RFPL4B: variants seen among roughly 807,000 people sequenced by gnomAD.
RFPL4B encodes the protein ret finger protein-like 4B.
For missense variants in RFPL4B, 314 were observed against 327.7 expected (o/e 0.96, Z 0.32); for synonymous variants, 118 against 126.3 (o/e 0.93, Z 0.44).
Position 112,350,197 on chromosome 6 carries a change from C to T in RFPL4B, c.489C>T (p.Cys163=). The T allele has an allele frequency of 6.2e-7, 1 of 1,614,184 alleles. No homozygotes were observed. Among genetic ancestry groups the T allele is most frequent in the Non-Finnish European group, 8.5e-7 (1 of 1,180,042 alleles). The change falls in exon 3 of 3, where the codon TGC becomes TGT. Residue 163 remains cysteine, a synonymous_variant. Transcript: ENST00000441065. The part of the protein sequence containing the change: ...GEVKSWSLGV[C]KEPADRKSND... ...TGAAGTCATGGTCCCTGGGCGTCTG[C>T]AAGGAGCCGGCTGACAGAAAGAGCA...
chr6:112,347,598 C>T (rs1163001059), intron 1 of RFPL4B, among the ~76,000 whole-genome samples, 191 bp downstream of exon 1: 4 of 152,260 alleles, frequency 2.6e-5, no homozygotes, highest in African/African-American at 9.6e-5. Flanking sequence ...CCTCAGGTCA[C>T]TCTTTGCATG....
At chr6:112,348,184 T>G (rs1416421792) in intron 1 of RFPL4B, among the ~76,000 whole-genome samples, 2 of 152,220 alleles carry the variant, frequency 1.3e-5, no homozygotes, top group African/African-American at 4.8e-5. Flanking sequence ...TTAGATACAT[T>G]CCAAGGTGGG....
intron 1 of RFPL4B, among the ~76,000 whole-genome samples, chr6:112,348,651 G>A (rs1286396419): frequency 6.6e-6 from 1 of 152,164 alleles, no homozygotes; most frequent in Non-Finnish European, 1.5e-5. Context: ...GGCTCTTATT[G>A]GAGAACAGTC....
At position 112,349,766 on chromosome 6, in the gene RFPL4B, T is replaced by C; in HGVS notation, c.58T>C (p.Cys20Arg). The change falls in exon 3 of 3, where the codon TGT becomes CGT. Residue 20 changes from cysteine (C) to arginine (R), a missense_variant. Cys to Arg is a radical substitution (Grantham distance 180, BLOSUM62 -3). Transcript: ENST00000441065. ...TCCAGTTTGCCTGGATTTTTTCTCC[T>C]GTTCCATTTCTCTCTCTTGTACACA... ...SCPVCLDFFSCSISLSCTHVF... is the reference protein window; with the variant it reads ...SCPVCLDFFSRSISLSCTHVF... 1 of 1,614,176 alleles carries C rather than the reference T, an allele frequency of 6.2e-7. No homozygotes were observed. The highest frequency in any genetic ancestry group is 2.2e-5 in the East Asian group (1 of 44,880).
In RFPL4B at chr6:112,350,057, G is replaced by T. The variant is rs372679687; in HGVS notation, c.349G>T (p.Ala117Ser). ...TGTCTTCTCCAATGATCTAAGAAGCGCTCAGTGTAAGAAGATCCACCACGA... is the reference window on the plus strand; with the variant it reads ...TGTCTTCTCCAATGATCTAAGAAGCTCTCAGTGTAAGAAGATCCACCACGA... ...LLVFSNDLRS[A>S]QCKKIHHDLT... Residue 117 changes from alanine to serine, a missense_variant, in exon 3 of 3, where the codon GCT (alanine) becomes TCT (serine). Coordinates refer to ENST00000441065, the MANE Select transcript of RFPL4B (RefSeq NM_001013734.3). 2 of 1,614,176 alleles carry T rather than the reference G, an allele frequency of 1.2e-6. No homozygotes were observed. Among genetic ancestry groups the T allele is most frequent in the South Asian group, 1.1e-5 (1 of 91,086 alleles).
intron 1 of RFPL4B, 40 bp downstream of exon 1, chr6:112,347,447 A>T (rs6930560): frequency 0.19 from 29,610 of 152,186 alleles, 3,107 homozygotes; most frequent in Middle Eastern, 0.25. Flanking sequence ...CCAATGTCCT[A>T]TTCTGTCTTT....
Position 112,349,778 on chromosome 6 carries a change from C to G in RFPL4B, c.70C>G (p.Leu24Val), listed in dbSNP as rs376562413. The change falls in exon 3 of 3, where the codon CTC (leucine) becomes GTC (valine). Residue 24 changes from leucine (L) to valine (V), a missense_variant. Leu to Val is a conservative substitution (Grantham distance 32). Transcript: ENST00000441065. ...CLDFFSCSIS[L>V]SCTHVFCFDC... ...GGATTTTTTCTCCTGTTCCATTTCT[C>G]TCTCTTGTACACACGTGTTCTGCTT... is the stretch of plus-strand genomic sequence containing the variant. 1.4e-4 allele frequency: 231 copies of G among 1,614,036 alleles called. No individual in the cohort carries two copies. Among genetic ancestry groups the G allele is most frequent in the Middle Eastern group, 8.2e-4 (5 of 6,084 alleles).
intron 1 of RFPL4B, among the ~76,000 whole-genome samples, chr6:112,347,787 A>G (rs1789100760): frequency 6.6e-6 from 1 of 152,228 alleles, no homozygotes; most frequent in South Asian, 2.1e-4. Flanking sequence ...CAGCCTGTCC[A>G]ACATGGTGAA....
chr6:112,349,758 T>C lies in RFPL4B; in HGVS notation c.50T>C (p.Phe17Ser). The C allele has an allele frequency of 6.2e-7, 1 of 1,614,100 alleles. No individual in the cohort carries two copies. Among genetic ancestry groups the C allele is most frequent in the South Asian group, 1.1e-5 (1 of 91,066 alleles). Residue 17 changes from phenylalanine (F) to serine (S), a missense_variant, in exon 3 of 3, where the codon TTT (phenylalanine) becomes TCT (serine). By Grantham distance (155) the Phe-to-Ser change is radical (BLOSUM62 -2). Transcript: ENST00000441065. ...TTGTCCTGTCCAGTTTGCCTGGATT[T>C]TTTCTCCTGTTCCATTTCTCTCTCT... ...AELSCPVCLD[F>S]FSCSISLSCT...
rs1213922341 is a variant in RFPL4B at position 112,349,850 on chromosome 6, A to G, written c.142A>G (p.Met48Val). 1.2e-6 allele frequency: 2 copies of G among 1,614,068 alleles called. No homozygotes were observed. Among genetic ancestry groups the G allele is most frequent in the South Asian group, 1.1e-5 (1 of 91,090 alleles). ...ACTAGAAAACCATGATTTTAGAGCG[A>G]TGTGCCCCTTGTGTCGAGACGTGGT... Reference protein sequence around the residue: ...YILENHDFRAMCPLCRDVVKV... With the variant: ...YILENHDFRAVCPLCRDVVKV... The change falls in exon 3 of 3, where the codon ATG (methionine) becomes GTG (valine). Residue 48 changes from methionine (M) to valine (V), a missense_variant. Coordinates refer to ENST00000441065, the MANE Select transcript of RFPL4B (RefSeq NM_001013734.3).
At chr6:112,349,070 G>A (rs1024049791) in intron 1 of RFPL4B, 123 bp from the exon 2 acceptor site, 1 of 152,158 alleles carries the variant, frequency 6.6e-6, no homozygotes, top group African/African-American at 2.4e-5. Flanking sequence ...TTACTCACAT[G>A]TGGTAATTTT....
In RFPL4B at chr6:112,350,290, C is replaced by G; in HGVS notation, c.582C>G (p.His194Gln). Residue 194 changes from histidine to glutamine, a missense_variant, in exon 3 of 3, where the codon CAC (histidine) becomes CAG (glutamine). His to Gln is a conservative substitution (Grantham distance 24). Coordinates refer to ENST00000441065, the MANE Select transcript of RFPL4B (RefSeq NM_001013734.3). The part of the protein sequence containing the change: ...MKAGAIHANT[H>Q]LERIPASPRL... ...CAGGAGCAATCCATGCTAACACCCACCTGGAGAGAATTCCTGCAAGCCCTC... is the reference window on the plus strand; with the variant it reads ...CAGGAGCAATCCATGCTAACACCCAGCTGGAGAGAATTCCTGCAAGCCCTC... The G allele has an allele frequency of 1.2e-6, 2 of 1,614,226 alleles. No individual in the cohort carries two copies. The highest frequency in any genetic ancestry group is 1.7e-6 in the Non-Finnish European group (2 of 1,180,038).
In RFPL4B at chr6:112,349,662, G is replaced by A. The variant is rs187658544; in HGVS notation, c.-47G>A. On this transcript the variant is annotated 5_prime_UTR_variant, in exon 3 of 3. Transcript: ENST00000441065. ...CCAAGTGCTTCCAGAAGCCAATAAAGGATCACTTCAGTTTACTTCACGGCT... is the reference window on the plus strand; with the variant it reads ...CCAAGTGCTTCCAGAAGCCAATAAAAGATCACTTCAGTTTACTTCACGGCT... The A allele has an allele frequency of 6.5e-5, 101 of 1,553,622 alleles. No individual in the cohort carries two copies. Among genetic ancestry groups the A allele is most frequent in the East Asian group, 3.8e-4 (17 of 44,336 alleles).
At position 112,351,056 on chromosome 6, in the gene RFPL4B, A is replaced by G. The variant is rs901317278; in HGVS notation, c.*556A>G. Reference sequence around the variant, plus strand: ...TTTTCATTTTTATTTTCTTTGAAACACAGCCACATAAGTTTTCTTGAAAGA... The same window carrying G: ...TTTTCATTTTTATTTTCTTTGAAACGCAGCCACATAAGTTTTCTTGAAAGA... On this transcript the variant is annotated 3_prime_UTR_variant, in exon 3 of 3. Coordinates refer to ENST00000441065, the MANE Select transcript of RFPL4B (RefSeq NM_001013734.3). 6.0e-6 allele frequency: 1 copy of G among 167,104 alleles called. No individual in the cohort carries two copies. Among genetic ancestry groups the G allele is most frequent in the African/African-American group, 2.4e-5 (1 of 41,468 alleles). 10.4% of individuals were successfully genotyped at this position (167,104 alleles called of 1,614,324 possible).
rs1351364962 is a variant in RFPL4B at position 112,351,065 on chromosome 6, T to C, written c.*565T>C. ...TTATTTTCTTTGAAACACAGCCACA[T>C]AAGTTTTCTTGAAAGACAAAGAACT... is the stretch of plus-strand genomic sequence containing the variant. On this transcript the variant is annotated 3_prime_UTR_variant, in exon 3 of 3. Coordinates refer to ENST00000441065, the MANE Select transcript of RFPL4B (RefSeq NM_001013734.3). 6.0e-6 allele frequency: 1 copy of C among 167,082 alleles called. No individual in the cohort carries two copies. Among genetic ancestry groups the C allele is most frequent in the Non-Finnish European group, 1.5e-5 (1 of 68,154 alleles). The allele number at this position is 167,082 out of a possible 1,614,324, so 10.3% of individuals were successfully genotyped here. A position where few individuals can be genotyped will look rare whatever the true frequency, so the allele number is the denominator to read the frequency against.
intron 1 of RFPL4B, among the ~76,000 whole-genome samples, chr6:112,348,700 C>T (rs1009166941): frequency 2.0e-5 from 3 of 152,172 alleles, no homozygotes; most frequent in Non-Finnish European, 4.4e-5. Flanking sequence ...TCCAGCTTTG[C>T]GAGGCTGTCT....
rs1789126615 is a variant in RFPL4B at position 112,349,774 on chromosome 6, TTC to T, written c.74_75del (p.Ser25LeufsTer8). On this transcript the variant is annotated frameshift_variant, in exon 3 of 3. Coordinates refer to ENST00000441065, the MANE Select transcript of RFPL4B (RefSeq NM_001013734.3). LOFTEE classifies it low-confidence loss of function (END_TRUNC). ...GCCTGGATTTTTTCTCCTGTTCCAT[TTC>T]TCTCTCTTGTACACACGTGTTCTGC... ...VCLDFFSCSI[S>X]LSCTHVFCFD... 2 of 1,614,016 alleles carry T rather than the reference TTC, an allele frequency of 1.2e-6. No individual in the cohort carries two copies. The highest frequency in any genetic ancestry group is 1.1e-5 in the South Asian group (1 of 91,086).
rs1390134839 is a variant in RFPL4B, at chr6:112,349,761, T to C, written c.53T>C (p.Phe18Ser). The change falls in exon 3 of 3, where the codon TTC (phenylalanine) becomes TCC (serine). Residue 18 changes from phenylalanine (F) to serine (S), a missense_variant. Physicochemically the swap from Phe to Ser is radical, Grantham distance 155. Transcript: ENST00000441065. Reference sequence around the variant, plus strand: ...TCCTGTCCAGTTTGCCTGGATTTTTTCTCCTGTTCCATTTCTCTCTCTTGT... The same window carrying C: ...TCCTGTCCAGTTTGCCTGGATTTTTCCTCCTGTTCCATTTCTCTCTCTTGT... ...ELSCPVCLDF[F>S]SCSISLSCTH... 3 of 1,614,132 alleles carry C rather than the reference T, an allele frequency of 1.9e-6. No homozygotes were observed. In the Admixed American group the frequency reaches 5.0e-5, roughly 27 times the overall value.
At position 112,350,638 on chromosome 6, in the gene RFPL4B, T is replaced by C. The variant is rs1455652367; in HGVS notation, c.*138T>C. The C allele has an allele frequency of 7.0e-6, 5 of 710,658 alleles. No individual in the cohort carries two copies. Among genetic ancestry groups the C allele is most frequent in the Non-Finnish European group, 1.1e-5 (5 of 452,914 alleles). 44.0% of individuals were successfully genotyped at this position (710,658 alleles called of 1,614,324 possible). On this transcript the variant is annotated 3_prime_UTR_variant, in exon 3 of 3. Coordinates refer to ENST00000441065, the MANE Select transcript of RFPL4B (RefSeq NM_001013734.3). Reference sequence around the variant, plus strand: ...TTTTTAAAGTAGATTTTGTAGACTTTGTAGCAAAACAATTTTCGGATTTTT... The same window carrying C: ...TTTTTAAAGTAGATTTTGTAGACTTCGTAGCAAAACAATTTTCGGATTTTT...
Sources: allele counts gnomAD v4.1 joint callset (sites outside exome capture counted in the v4.1 genomes callset), GRCh38; gene constraint gnomAD v4.1.1; transcripts MANE v1.5; gene names NCBI Gene and HGNC (gene_info 2026-07-23, HGNC 2026-07-21).